NRG3: variants seen among roughly 807,000 people sequenced by gnomAD.
The protein encoded by NRG3 is pro-neuregulin-3, membrane-bound isoform.
In NRG3, 31 loss-of-function variants were observed where a neutral mutation model predicts 66.9. The ratio of observed to expected loss-of-function variants is 0.46; its 90% confidence interval spans 0.35 to 0.63. NRG3 has a LOEUF of 0.63. Among genes scored for constraint, NRG3 ranks in the 20% least tolerant of loss-of-function variants. The pLI, the probability that NRG3 is intolerant of heterozygous loss-of-function variation, is 0.00. For synonymous variants in NRG3, 393 were observed against 359.4 expected (o/e 1.09, Z -1.06); for missense variants, 910 against 878.9 (o/e 1.04, Z -0.45).
At chr10:81,897,590 A>G (rs543292972) in intron 1 of NRG3, among the ~76,000 whole-genome samples, 3 of 149,834 alleles carry the variant, frequency 2.0e-5, no homozygotes, top group East Asian at 4.0e-4. Context: ...GGGTAGAGCA[A>G]TGAGTTGGAT....
At chr10:82,496,219 T>G (rs1050649690) in intron 2 of NRG3, among the ~76,000 whole-genome samples, 3 of 152,174 alleles carry the variant, frequency 2.0e-5, no homozygotes, top group African/African-American at 7.2e-5. Context: ...GCGATAAAAT[T>G]TGAAGAAGAA....
intron 2 of NRG3, among the ~76,000 whole-genome samples, chr10:82,620,877 T>C (rs1256254553): frequency 6.6e-6 from 1 of 151,972 alleles, no homozygotes; most frequent in African/African-American, 2.4e-5. Flanking sequence ...ATACTAGCTC[T>C]TTTCCTGTTC....
At chr10:81,966,325 A>G (rs2059729268) in intron 1 of NRG3, among the ~76,000 whole-genome samples, 1 of 150,540 alleles carries the variant, frequency 6.6e-6, no homozygotes, top group Non-Finnish European at 1.5e-5. Flanking sequence ...ATAAAATATG[A>G]TATTATGTAT....
intron 3 of NRG3, among the ~76,000 whole-genome samples, chr10:82,829,541 G>A (rs1426036082): frequency 1.3e-5 from 2 of 152,148 alleles, no homozygotes; most frequent in Admixed American, 6.6e-5. Flanking sequence ...AAGGTGAGGT[G>A]CAAAGTCAGG....
intron 3 of NRG3, among the ~76,000 whole-genome samples, chr10:82,857,467 C>T (rs1267671076): frequency 3.9e-5 from 6 of 152,124 alleles, no homozygotes; most frequent in African/African-American, 1.4e-4. Context: ...AATGTCGTGA[C>T]CTACTCTCCA....
intron 2 of NRG3, among the ~76,000 whole-genome samples, chr10:82,660,696 G>A (rs1222458289): frequency 2.6e-5 from 4 of 152,066 alleles, no homozygotes; most frequent in East Asian, 3.9e-4. Flanking sequence ...TATCTCTTGC[G>A]TTCCTGTTAT....
chr10:82,690,881 C>T (rs894133300), intron 2 of NRG3, among the ~76,000 whole-genome samples: 1 of 152,078 alleles, frequency 6.6e-6, no homozygotes, highest in African/African-American at 2.4e-5. Context: ...TCTCATATCC[C>T]TATTAAAATC....
rs1217931630 is a variant in NRG3, at chr10:82,971,992, T to C, written c.1285-1796T>C. On this transcript the variant is annotated intron_variant, in intron 6 of 8. Transcript: ENST00000372141. ...TTTTTAAATTAGCTCTTTCAGAACATAGAAGACCAGATATTCAGTGTATGA... is the reference window on the plus strand; with the variant it reads ...TTTTTAAATTAGCTCTTTCAGAACACAGAAGACCAGATATTCAGTGTATGA... Among the ~76,000 whole-genome samples, 3 of 152,164 alleles carry C rather than the reference T, an allele frequency of 2.0e-5. No homozygotes were observed. In the East Asian group the frequency reaches 5.8e-4, roughly 29 times the overall value.
At chr10:82,846,226 C>A (rs2483294) in intron 3 of NRG3, among the ~76,000 whole-genome samples, 1 of 151,732 alleles carries the variant, frequency 6.6e-6, no homozygotes, top group Non-Finnish European at 1.5e-5. Context: ...AGGCTTTTTT[C>A]TAACCAGTGG....
chr10:82,462,666 G>A (rs1017799321), intron 2 of NRG3, among the ~76,000 whole-genome samples: 1 of 152,158 alleles, frequency 6.6e-6, no homozygotes, highest in Non-Finnish European at 1.5e-5. Flanking sequence ...CGGGGACTGA[G>A]AGGGGAAGTC....
At position 81,878,794 on chromosome 10, in the gene NRG3, GC is replaced by G. The variant is rs1230467244; in HGVS notation, c.823+2633del. The stretch of plus-strand genomic sequence containing the variant: ...TGACTAACCCACAAATTCTTTAATG[GC>G]CAGGATCTTTGCTCTTGCATTGGAT... On this transcript the variant is annotated intron_variant, in intron 1 of 8. Transcript: ENST00000372141. Among the ~76,000 whole-genome samples, 4 of 151,950 alleles carry G rather than the reference GC, an allele frequency of 2.6e-5. No homozygotes were observed. In the East Asian group the frequency reaches 7.7e-4, roughly 29 times the overall value.
At chr10:82,533,599 G>C (rs1439285467) in intron 2 of NRG3, among the ~76,000 whole-genome samples, 7 of 152,074 alleles carry the variant, frequency 4.6e-5, no homozygotes, top group African/African-American at 7.2e-5. Context: ...TCAACATAAT[G>C]AAGGCCATAT....
At chr10:82,130,276 G>A (rs983467678) in intron 1 of NRG3, among the ~76,000 whole-genome samples, 3 of 151,402 alleles carry the variant, frequency 2.0e-5, no homozygotes, top group Admixed American at 6.6e-5. Flanking sequence ...TGTGCATGAC[G>A]TGCAGGTTTG....
At chr10:81,957,338 C>T (rs1849934684) in intron 1 of NRG3, among the ~76,000 whole-genome samples, 1 of 152,058 alleles carries the variant, frequency 6.6e-6, no homozygotes, top group South Asian at 2.1e-4. Flanking sequence ...TTATTCCCTC[C>T]TCAAAGCCTT....
chr10:82,601,561 T>C (rs2047629212), intron 2 of NRG3, among the ~76,000 whole-genome samples: 1 of 152,180 alleles, frequency 6.6e-6, no homozygotes, highest in Admixed American at 6.6e-5. Context: ...ATCTTACCTC[T>C]ACTGGCAATC....
chr10:82,792,695 T>TA (rs2060634333), intron 3 of NRG3, among the ~76,000 whole-genome samples: 2 of 152,092 alleles, frequency 1.3e-5, no homozygotes, highest in African/African-American at 4.8e-5. Flanking sequence ...TTTATTTATT[T>TA]TTTTGACGGA....
In NRG3 at chr10:82,740,225, C is replaced by T. The variant is rs2058357148; in HGVS notation, c.1027+1575C>T. Among the ~76,000 whole-genome samples, 5 of 148,576 alleles carry T rather than the reference C, an allele frequency of 3.4e-5. 2 individuals are homozygous for T. In the South Asian group the frequency reaches 1.1e-3, roughly 32 times the overall value. ...CCTCTCTTCCTTTCTTCTTTCTTTC[C>T]TTTCTTCCTTCCTTCCTCCCTCCCT... On this transcript the variant is annotated intron_variant, in intron 3 of 8. Coordinates refer to ENST00000372141, the MANE Select transcript of NRG3 (RefSeq NM_001010848.4).
At chr10:82,637,006 A>G (rs1157489677) in intron 2 of NRG3, among the ~76,000 whole-genome samples, 1 of 152,142 alleles carries the variant, frequency 6.6e-6, no homozygotes, top group Non-Finnish European at 1.5e-5. Context: ...CATGAAGACT[A>G]TAGTTAATTA....
intron 4 of NRG3, among the ~76,000 whole-genome samples, chr10:82,895,821 T>C (rs1843616578): frequency 6.6e-6 from 1 of 152,190 alleles, no homozygotes; most frequent in South Asian, 2.1e-4. Context: ...TTTAATGTTG[T>C]AAAATAAAGT....
Sources: gnomAD v4.1 joint callset for allele counts (sites outside exome capture counted in the v4.1 genomes callset) on GRCh38, gnomAD v4.1.1 for gene constraint, MANE v1.5 for transcripts, NCBI Gene and HGNC (gene_info 2026-07-23, HGNC 2026-07-21) for gene names.